The following NLGN1 variants were observed in gnomAD, a reference collection of about 807,000 sequenced individuals.
NLGN1 encodes neuroligin-1.
In NLGN1, 12 loss-of-function variants were observed where a neutral mutation model predicts 65.5. The observed-to-expected ratio is 0.18, with a 90% CI of 0.12 to 0.30. The LOEUF (loss-of-function observed/expected upper bound fraction) is 0.30, where lower values mean the gene tolerates loss of function less well. NLGN1 is among the 10% of genes least tolerant of loss of function. The pLI is 1.00. For synonymous variants in NLGN1, 350 were observed against 359.5 expected (o/e 0.97, Z 0.30); for missense variants, 750 against 1,007.1 (o/e 0.74, Z 3.46).
At chr3:173,703,518 G>T (rs1256125199) in intron 3 of NLGN1, among the ~76,000 whole-genome samples, 1 of 151,958 alleles carries the variant, frequency 6.6e-6, no homozygotes, top group African/African-American at 2.4e-5. Flanking sequence ...GTGTTTTTAA[G>T]TCCTATAAAT....
chr3:173,584,396 G>A (rs1327191311), intron 2 of NLGN1, among the ~76,000 whole-genome samples: 3 of 122,160 alleles, frequency 2.5e-5, no homozygotes, highest in Non-Finnish European at 4.9e-5. Context: ...CAGGGTCCTC[G>A]GCATTTTTTT....
intron 5 of NLGN1, 83 bp downstream of exon 5, chr3:174,275,610 CTCTGT>C: frequency 1.2e-6 from 1 of 812,498 alleles, no homozygotes; most frequent in South Asian, 1.5e-5. Context: ...CTGTATATTT[CTCTGT>C]TCAAACTGAG....
At chr3:174,140,652 T>C (rs955357493) in intron 4 of NLGN1, among the ~76,000 whole-genome samples, 14 of 152,172 alleles carry the variant, frequency 9.2e-5, no homozygotes, top group African/African-American at 2.4e-4. Flanking sequence ...CACGTTACTA[T>C]ATGTCATCTT....
intron 2 of NLGN1, among the ~76,000 whole-genome samples, chr3:173,469,728 T>A (rs1453332057): frequency 6.6e-6 from 1 of 151,942 alleles, no homozygotes; most frequent in Non-Finnish European, 1.5e-5. Flanking sequence ...GTAAAACCCC[T>A]TACCCATCAA....
chr3:173,625,938 T>G lies in NLGN1; in HGVS notation c.493+20847T>G, dbSNP rs1754758764. ...AAGATGATAGAAACAGTTTTGAAAT[T>G]TAGTGTGATTTTTCTTGTAAAAATA... is the stretch of plus-strand genomic sequence containing the variant. On this transcript the variant is annotated intron_variant, in intron 3 of 6. Transcript: ENST00000457714. Among the ~76,000 whole-genome samples the G allele has an allele frequency of 2.6e-5, 4 of 152,204 alleles. No homozygotes were observed. In the South Asian group the frequency reaches 8.3e-4, roughly 32 times the overall value.
chr3:173,979,441 A>C (rs1718278973), intron 4 of NLGN1, among the ~76,000 whole-genome samples: 1 of 152,166 alleles, frequency 6.6e-6, no homozygotes, highest in Non-Finnish European at 1.5e-5. Flanking sequence ...CACAAGGTGA[A>C]AGTTGATTAT....
chr3:173,714,947 TTAGA>T (rs1769599489), intron 3 of NLGN1, among the ~76,000 whole-genome samples: 1 of 152,100 alleles, frequency 6.6e-6, no homozygotes, highest in African/African-American at 2.4e-5. Context: ...GCTTAGATCT[TTAGA>T]AGAGTTCTCT....
At position 174,280,679 on chromosome 3, in the gene NLGN1, C is replaced by T. The variant is rs1751389877; in HGVS notation, c.1848C>T (p.Leu616=). The change falls in exon 7 of 7, where the codon CTC becomes CTT. Residue 616 remains leucine, a synonymous_variant. Transcript: ENST00000457714. This position sits in a 1 kb window ranked among gnomAD's most constrained non-coding sequence, Gnocchi z 4.9. Reference sequence around the variant, plus strand: ...AGTTGGTACCTCATCTGCATAATCTCAATGACATTTCTCAGTATACCTCTA... The same window carrying T: ...AGTTGGTACCTCATCTGCATAATCTTAATGACATTTCTCAGTATACCTCTA... The T allele has an allele frequency of 6.2e-7, 1 of 1,613,364 alleles. No homozygotes were observed. Among genetic ancestry groups the T allele is most frequent in the East Asian group, 2.2e-5 (1 of 44,818 alleles).
intron 4 of NLGN1, among the ~76,000 whole-genome samples, chr3:173,906,878 C>CAAAAAAAAAAAAAAAAAAAAAAAAAAA (rs1224471514): frequency 1.1e-5 from 1 of 88,268 alleles, no homozygotes. Context: ...CAAACAAAAA[C>CAAAAAAAAAAAAAAAAAAAAAAAAAAA]AAAAAAAAAA....
Position 173,605,030 on chromosome 3 carries a change from A to G in NLGN1, c.432A>G (p.Ser144=). Reference sequence around the variant, plus strand: ...CTAATAACTTGGATGTGGTTTCATCATATGTGCAAGACCAGAGCGAAGACT... The same window carrying G: ...CTAATAACTTGGATGTGGTTTCATCGTATGTGCAAGACCAGAGCGAAGACT... The change falls in exon 3 of 7, where the codon TCA becomes TCG. Residue 144 remains serine (S), a synonymous_variant. Coordinates refer to ENST00000457714, the Ensembl canonical transcript of NLGN1. 3 of 1,613,322 alleles carry G rather than the reference A, an allele frequency of 1.9e-6. No individual in the cohort carries two copies. The highest frequency in any genetic ancestry group is 2.5e-6 in the Non-Finnish European group (3 of 1,179,428).
Position 173,763,357 on chromosome 3 carries a change from T to G in NLGN1, c.494-44323T>G, listed in dbSNP as rs115828020. ...ATTTCTTCATTTAACAAATATTTAT[T>G]TACATATCTACTCTGTGCTAGACAA... is the stretch of plus-strand genomic sequence containing the variant. On this transcript the variant is annotated intron_variant, in intron 3 of 6. Transcript: ENST00000457714. Among the ~76,000 whole-genome samples the G allele has an allele frequency of 5.7e-3, 871 of 152,182 alleles. 14 individuals are homozygous for G. Among genetic ancestry groups the G allele is most frequent in the African/African-American group, 0.018 (762 of 41,538 alleles).
chr3:174,168,337 C>G (rs925186783), intron 4 of NLGN1, among the ~76,000 whole-genome samples: 2 of 152,162 alleles, frequency 1.3e-5, no homozygotes, highest in East Asian at 3.9e-4. Context: ...TCCAGAGATG[C>G]TGGCACTTCT....
intron 3 of NLGN1, among the ~76,000 whole-genome samples, chr3:173,620,859 T>G (rs952695286): frequency 6.6e-6 from 1 of 151,964 alleles, no homozygotes; most frequent in African/African-American, 2.4e-5. Flanking sequence ...AACTGTCAAC[T>G]GGAAAGAAAG....
chr3:173,846,074 CCTGG>C (rs1725739262), intron 4 of NLGN1, among the ~76,000 whole-genome samples: 1 of 152,140 alleles, frequency 6.6e-6, no homozygotes, highest in African/African-American at 2.4e-5. Flanking sequence ...TACCACCACT[CCTGG>C]CTAGGATGGT....
At chr3:174,218,468 A>G (rs111312701) in intron 4 of NLGN1, among the ~76,000 whole-genome samples, 3 of 152,100 alleles carry the variant, frequency 2.0e-5, no homozygotes, top group Non-Finnish European at 4.4e-5. Flanking sequence ...CACCATGAAT[A>G]TTCTTATTCT....
intron 4 of NLGN1, among the ~76,000 whole-genome samples, chr3:173,887,685 G>C (rs1320280288): frequency 6.6e-6 from 1 of 151,716 alleles, no homozygotes; most frequent in Non-Finnish European, 1.5e-5. Flanking sequence ...AATTTTCCAT[G>C]GTTAGTTTTA....
chr3:174,174,906 C>T (rs919221020), intron 4 of NLGN1, among the ~76,000 whole-genome samples: 3 of 151,746 alleles, frequency 2.0e-5, no homozygotes, highest in African/African-American at 4.8e-5. Flanking sequence ...CTGAATTGAC[C>T]CCCAATCATT....
chr3:173,912,220 A>T (rs1218888392), intron 4 of NLGN1, among the ~76,000 whole-genome samples: 1 of 152,136 alleles, frequency 6.6e-6, no homozygotes. Flanking sequence ...TGTTATTTTC[A>T]TTGATGAGCA....
chr3:173,769,602 A>T (rs73880575), intron 3 of NLGN1, among the ~76,000 whole-genome samples: 1 of 152,184 alleles, frequency 6.6e-6, no homozygotes, highest in Non-Finnish European at 1.5e-5. Flanking sequence ...AGGTGTGTCT[A>T]TGTCTCAAGA....
Sources: gnomAD v4.1 joint callset for allele counts (sites outside exome capture counted in the v4.1 genomes callset) on GRCh38, gnomAD v4.1.1 for gene constraint, Gnocchi (gnomAD v3.1) non-coding constraint, MANE v1.5 for transcripts, NCBI Gene and HGNC (gene_info 2026-07-23, HGNC 2026-07-21) for gene names.